Variants in R3HDM2 observed in about 807,000 individuals in gnomAD.
R3HDM2 encodes the protein R3H domain-containing protein 2.
Under a neutral mutation model 124.5 loss-of-function variants are expected in R3HDM2, and 38 were observed. The observed-to-expected ratio is 0.31, with a 90% CI of 0.24 to 0.40. The LOEUF is 0.40. Among genes scored for constraint, R3HDM2 ranks in the 10% least tolerant of loss-of-function variants. The pLI, the probability that R3HDM2 is intolerant of heterozygous loss-of-function variation, is 1.00. For missense variants in R3HDM2, 869 were observed against 1,236.9 expected (o/e 0.70, Z 4.46); for synonymous variants, 391 against 448.0 (o/e 0.87, Z 1.61).
intron 2 of R3HDM2, among the ~76,000 whole-genome samples, chr12:57,377,103 T>TAAATAAATAAATAAATAAATAAAA (rs1186751434): frequency 8.2e-6 from 1 of 121,694 alleles, no homozygotes; most frequent in Non-Finnish European, 1.7e-5. Flanking sequence ...AATAAATAAA[T>TAAATAAATAAATAAATAAATAAAA]AAAAGAGACT....
chr12:57,291,854 T>C (rs2048715341), intron 11 of R3HDM2, among the ~76,000 whole-genome samples: 1 of 152,160 alleles, frequency 6.6e-6, no homozygotes, highest in Non-Finnish European at 1.5e-5. Flanking sequence ...TATTCTTCTC[T>C]TCAATCTGGT....
chr12:57,430,497 A>ACCCCC, intron 1 of R3HDM2: 1 of 381,592 alleles, frequency 2.6e-6, no homozygotes, highest in Non-Finnish European at 3.5e-6. Context: ...CTGCCCCCGC[A>ACCCCC]CCGCCGCCCT....
chr12:57,280,148 A>G (rs531541866), intron 14 of R3HDM2, among the ~76,000 whole-genome samples: 1 of 152,264 alleles, frequency 6.6e-6, no homozygotes, highest in Non-Finnish European at 1.5e-5. Context: ...ATAAAGCAAA[A>G]AACCCCCAAG....
At chr12:57,273,789 A>G (rs559088613) in intron 14 of R3HDM2, among the ~76,000 whole-genome samples, 3 of 152,276 alleles carry the variant, frequency 2.0e-5, no homozygotes, top group East Asian at 3.9e-4. Context: ...GTGTGGGGCC[A>G]TGGTATCAAT....
chr12:57,307,622 T>C (rs2052948090), intron 3 of R3HDM2, among the ~76,000 whole-genome samples: 1 of 146,048 alleles, frequency 6.8e-6, no homozygotes, highest in Non-Finnish European at 1.5e-5. Context: ...CACCCAGCCA[T>C]GCTCTTTTTT....
chr12:57,281,035 C>A (rs1200568717), intron 13 of R3HDM2, among the ~76,000 whole-genome samples: 1 of 152,128 alleles, frequency 6.6e-6, no homozygotes, highest in African/African-American at 2.4e-5. Flanking sequence ...GTAATCCCAG[C>A]ACTTTGCGAG....
intron 1 of R3HDM2, among the ~76,000 whole-genome samples, chr12:57,408,586 C>T (rs1227503768): frequency 6.6e-6 from 1 of 151,836 alleles, no homozygotes; most frequent in Non-Finnish European, 1.5e-5. Flanking sequence ...AAAAACAAAA[C>T]AATAAGGGAG....
At chr12:57,373,494 G>A (rs998328099) in intron 2 of R3HDM2, among the ~76,000 whole-genome samples, 1 of 150,864 alleles carries the variant, frequency 6.6e-6, no homozygotes, top group Non-Finnish European at 1.5e-5. Context: ...GCAAGACTCC[G>A]TCTCACAAAA....
chr12:57,275,586 C>CTAA (rs2044510820), intron 14 of R3HDM2, among the ~76,000 whole-genome samples: 1 of 148,368 alleles, frequency 6.7e-6, no homozygotes, highest in Non-Finnish European at 1.5e-5. Context: ...TGACAAAAGA[C>CTAA]TAATATCCAG....
At chr12:57,314,455 G>C (rs2054622472) in intron 2 of R3HDM2, among the ~76,000 whole-genome samples, 1 of 152,074 alleles carries the variant, frequency 6.6e-6, no homozygotes, top group Non-Finnish European at 1.5e-5. Context: ...CTCCAGCCTA[G>C]GCAACAAAAG....
chr12:57,261,826 A>G (rs2040921935), intron 19 of R3HDM2, among the ~76,000 whole-genome samples: 1 of 146,710 alleles, frequency 6.8e-6, no homozygotes, highest in Non-Finnish European at 1.5e-5. Context: ...TGGGGGAAGG[A>G]GCATGGGTTG....
intron 2 of R3HDM2, among the ~76,000 whole-genome samples, chr12:57,316,751 A>AT (rs778925176): frequency 0.011 from 1,498 of 132,674 alleles, 22 homozygotes; most frequent in African/African-American, 0.034. Flanking sequence ...ACGCCCAGCT[A>AT]TTTTTTTTTT....
At chr12:57,427,498 T>C (rs948772132) in intron 1 of R3HDM2, among the ~76,000 whole-genome samples, 1 of 150,282 alleles carries the variant, frequency 6.7e-6, no homozygotes, top group Admixed American at 6.6e-5. Context: ...TACAGGCGTG[T>C]ACCACCACAC....
At chr12:57,334,667 T>C (rs2058630892) in intron 2 of R3HDM2, among the ~76,000 whole-genome samples, 1 of 152,144 alleles carries the variant, frequency 6.6e-6, no homozygotes, top group South Asian at 2.1e-4. Context: ...AGATTTTTCC[T>C]TGTTGAATTT....
chr12:57,288,752 C>G, intron 12 of R3HDM2: 1 of 949,680 alleles, frequency 1.1e-6, no homozygotes, highest in Non-Finnish European at 1.6e-6. Context: ...TTTAATTATT[C>G]CACAAGCAGC....
intron 2 of R3HDM2, among the ~76,000 whole-genome samples, chr12:57,366,686 CTGT>C (rs1251186099): frequency 1.3e-5 from 2 of 151,592 alleles, no homozygotes; most frequent in Non-Finnish European, 2.9e-5. Flanking sequence ...GGCTTTTTTG[CTGT>C]TGTTGTTTTG....
intron 1 of R3HDM2, among the ~76,000 whole-genome samples, chr12:57,401,154 T>C (rs1289008746): frequency 6.6e-6 from 1 of 151,502 alleles, no homozygotes; most frequent in Non-Finnish European, 1.5e-5. Flanking sequence ...TGTGTAACAA[T>C]TCCCATAAAG....
chr12:57,271,271 G>C (rs1046229535), intron 14 of R3HDM2, among the ~76,000 whole-genome samples: 3 of 152,168 alleles, frequency 2.0e-5, no homozygotes, highest in Non-Finnish European at 2.9e-5. Context: ...GGAGGGCAGA[G>C]TGAGTGGCTA....
At chr12:57,413,023 ATG>A (rs2069151907) in intron 1 of R3HDM2, among the ~76,000 whole-genome samples, 1 of 152,062 alleles carries the variant, frequency 6.6e-6, no homozygotes. Context: ...GCGTGGTGGC[ATG>A]TGCCTGTAGT....
Sources: gnomAD v4.1 joint callset for allele counts (sites outside exome capture counted in the v4.1 genomes callset) on GRCh38, gnomAD v4.1.1 for gene constraint, MANE v1.5 for transcripts, NCBI Gene and HGNC (gene_info 2026-07-23, HGNC 2026-07-21) for gene names.